Variants in STK32B observed in about 807,000 individuals in gnomAD.
STK32B encodes the protein serine/threonine-protein kinase 32B.
STK32B carries 43 observed loss-of-function variants against 52.6 expected under a neutral mutation model. The ratio of observed to expected loss-of-function variants is 0.82; its 90% CI spans 0.64 to 1.05. The LOEUF (loss-of-function observed/expected upper bound fraction) is 1.05. STK32B is among the 50% of genes least tolerant of loss of function. The pLI, the probability that STK32B is intolerant of heterozygous loss-of-function variation, is 0.00. For synonymous variants in STK32B, 238 were observed against 204.3 expected, an observed-to-expected ratio of 1.17 and a Z score of -1.41; for missense variants, 621 against 534.6, an observed-to-expected ratio of 1.16 and a Z score of -1.59.
Position 5,446,766 on chromosome 4 carries a change from T to C in STK32B, c.656T>C (p.Leu219Pro). ...CTGGGCATCACAGCCTATGAGCTGC[T>C]GCGGGGCTGGGTAAGACAGGCACCT... ...WSLGITAYEL[L>P]RGWRPYEIHS... The change falls in exon 7 of 12, where the codon CTG (leucine) becomes CCG (proline). Residue 219 changes from leucine to proline, a missense_variant. By Grantham distance (98) the Leu-to-Pro change is moderately conservative. Coordinates refer to ENST00000282908, the MANE Select transcript of STK32B (RefSeq NM_018401.3). The C allele has an allele frequency of 6.2e-7, 1 of 1,613,968 alleles. No individual in the cohort carries two copies. Among genetic ancestry groups the C allele is most frequent in the African/African-American group, 1.3e-5 (1 of 75,004 alleles).
intron 1 of STK32B, among the ~76,000 whole-genome samples, chr4:5,088,238 A>G (rs1641665145): frequency 6.6e-6 from 1 of 152,136 alleles, no homozygotes; most frequent in Non-Finnish European, 1.5e-5. Flanking sequence ...AAAACACAGC[A>G]TATCAAAACT....
the STK32B span, among the ~76,000 whole-genome samples, chr4:5,045,172 C>T: frequency 1.1e-4 from 16 of 152,346 alleles, no homozygotes; most frequent in South Asian, 4.1e-4. Flanking sequence ...AAGAAAGCCC[C>T]GAGTCTTTGA....
At chr4:5,279,029 G>A (rs1728023466) in intron 3 of STK32B, among the ~76,000 whole-genome samples, 1 of 152,124 alleles carries the variant, frequency 6.6e-6, no homozygotes, top group Non-Finnish European at 1.5e-5. Flanking sequence ...TGGGGACACA[G>A]AGCCAAACCA....
intron 1 of STK32B, among the ~76,000 whole-genome samples, chr4:5,096,720 G>C (rs1038751960): frequency 6.6e-6 from 1 of 152,182 alleles, no homozygotes; most frequent in Admixed American, 6.5e-5. Context: ...TTGTAGGAAG[G>C]GGGAGGGCGG....
At chr4:5,119,116 C>T (rs958663776) in intron 1 of STK32B, among the ~76,000 whole-genome samples, 1 of 152,170 alleles carries the variant, frequency 6.6e-6, no homozygotes, top group African/African-American at 2.4e-5. Context: ...TATTGTGTCC[C>T]CCAAAGCCAG....
chr4:5,322,467 G>T (rs1731572188), intron 3 of STK32B, among the ~76,000 whole-genome samples: 1 of 152,154 alleles, frequency 6.6e-6, no homozygotes, highest in South Asian at 2.1e-4. Context: ...TGCCCCTGCA[G>T]TTGCCACACA....
At chr4:5,140,044 A>G (rs1425431978) in intron 2 of STK32B, 84 bp downstream of exon 2, 3 of 1,558,152 alleles carry the variant, frequency 1.9e-6, no homozygotes, top group African/African-American at 1.4e-5. Context: ...GGCACTGGGA[A>G]TGTTCTGTTT....
chr4:5,055,632 C>T (rs1410234272), intron 1 of STK32B, among the ~76,000 whole-genome samples: 2 of 152,098 alleles, frequency 1.3e-5, no homozygotes, highest in East Asian at 1.9e-4. Context: ...TCAGGTGCTA[C>T]CCTCTGAGAC....
intron 3 of STK32B, among the ~76,000 whole-genome samples, chr4:5,224,656 A>G (rs73081631): frequency 0.16 from 23,717 of 152,126 alleles, 2,982 homozygotes; most frequent in African/African-American, 0.35. Flanking sequence ...TCTCAGGCCT[A>G]CTACTGGGGA....
At chr4:5,208,175 C>T (rs1331151181) in intron 3 of STK32B, among the ~76,000 whole-genome samples, 1 of 152,158 alleles carries the variant, frequency 6.6e-6, no homozygotes, top group Admixed American at 6.6e-5. Context: ...TGAGCCCTGA[C>T]CATGTGAGGG....
At chr4:5,057,418 A>G (rs1246738887) in intron 1 of STK32B, among the ~76,000 whole-genome samples, 1 of 152,200 alleles carries the variant, frequency 6.6e-6, no homozygotes, top group Non-Finnish European at 1.5e-5. Context: ...GGACATAGCT[A>G]AATGGCAGCC....
intron 3 of STK32B, among the ~76,000 whole-genome samples, chr4:5,312,164 TA>T (rs924421653): frequency 2.7e-4 from 41 of 151,950 alleles, no homozygotes; most frequent in African/African-American, 9.6e-4. Context: ...TTCATGATTT[TA>T]TGTCTACCTC....
At chr4:5,385,426 C>G (rs1175516414) in intron 4 of STK32B, among the ~76,000 whole-genome samples, 1 of 143,098 alleles carries the variant, frequency 7.0e-6, no homozygotes, top group Non-Finnish European at 1.5e-5. Context: ...GGTGGGTGAC[C>G]ATGCTGAGGT....
chr4:5,236,723 G>A (rs943886724), intron 3 of STK32B, among the ~76,000 whole-genome samples: 1 of 152,170 alleles, frequency 6.6e-6, no homozygotes, highest in South Asian at 2.1e-4. Flanking sequence ...GCTTCCATGC[G>A]TTGCTATACG....
At chr4:5,048,121 G>GT (rs544109916), upstream of STK32B, among the ~76,000 whole-genome samples, 2,171 of 143,446 alleles carry the variant, frequency 0.015, 27 homozygotes, top group African/African-American at 0.035. Context: ...ATAATTTTCT[G>GT]TTTTTTTTTT....
chr4:5,244,746 G>T (rs183563072), intron 3 of STK32B, among the ~76,000 whole-genome samples: 12,040 of 152,092 alleles, frequency 0.079, 708 homozygotes, highest in African/African-American at 0.17. Flanking sequence ...ACACTGCTTT[G>T]AATGTGTCCC....
chr4:5,035,743 TG>T, the STK32B span, among the ~76,000 whole-genome samples: 1 of 152,150 alleles, frequency 6.6e-6, no homozygotes, highest in African/African-American at 2.4e-5. Flanking sequence ...ACAATTAGAA[TG>T]TATTTTCATC....
At chr4:5,319,417 C>T (rs147750466) in intron 3 of STK32B, among the ~76,000 whole-genome samples, 1 of 152,188 alleles carries the variant, frequency 6.6e-6, no homozygotes, top group Non-Finnish European at 1.5e-5. Context: ...AGCAGCTGTT[C>T]CAAAACTCAA....
intron 5 of STK32B, among the ~76,000 whole-genome samples, chr4:5,408,549 A>T (rs1366768493): frequency 6.6e-6 from 1 of 152,108 alleles, no homozygotes; most frequent in African/African-American, 2.4e-5. Flanking sequence ...ACCTAGACTC[A>T]GGTATCCTTT....
Sources: gnomAD v4.1 joint callset for allele counts (sites outside exome capture counted in the v4.1 genomes callset) on GRCh38, gnomAD v4.1.1 for gene constraint, MANE v1.5 for transcripts, NCBI Gene and HGNC (gene_info 2026-07-23, HGNC 2026-07-21) for gene names.